MYB: variants seen among roughly 807,000 people sequenced by gnomAD.
The protein encoded by MYB is MYB proto-oncogene, transcription factor.
Under a neutral mutation model 92.9 loss-of-function variants are expected in MYB, and 28 were observed. The ratio of observed to expected loss-of-function variants is 0.30; its 90% confidence interval spans 0.22 to 0.41. The LOEUF (loss-of-function observed/expected upper bound fraction) is 0.41. MYB is among the 10% of genes least tolerant of loss of function. The pLI is 1.00. For missense variants in MYB, 679 were observed against 929.3 expected (o/e 0.73, Z 3.50); for synonymous variants, 295 against 329.1 (o/e 0.90, Z 1.12).
intron 1 of MYB, among the ~76,000 whole-genome samples, chr6:135,185,104 T>A (rs938625438): frequency 1.3e-5 from 2 of 152,228 alleles, no homozygotes; most frequent in African/African-American, 4.8e-5. Flanking sequence ...CATTTTATAA[T>A]ATTTCAAACA....
chr6:135,183,513 T>C (rs1345102595), intron 1 of MYB, among the ~76,000 whole-genome samples: 1 of 152,232 alleles, frequency 6.6e-6, no homozygotes, highest in Non-Finnish European at 1.5e-5. Flanking sequence ...AAATCAGCCT[T>C]TGAAAATCCT....
Position 135,197,106 on chromosome 6 carries a change from G to A in MYB, c.1349G>A (p.Arg450Lys). ...GTKPAGEPSP[R>K]VNKRMLSESS... The stretch of plus-strand genomic sequence containing the variant: ...AAACCTGCAGGAGAACCTAGCCCAA[G>A]GGTGAACAAACGTATGTTGAGTGAG... Residue 450 changes from arginine to lysine, a missense_variant, in exon 10 of 16, where the codon AGG becomes AAG. By Grantham distance (26) the Arg-to-Lys change is conservative. This residue lies in a region of MYB where 402 missense variants were observed against 434.2 expected (regional missense o/e 0.93). Transcript: ENST00000341911. 2 of 1,614,034 alleles carry A rather than the reference G, an allele frequency of 1.2e-6. No homozygotes were observed. Among genetic ancestry groups the A allele is most frequent in the Non-Finnish European group, 1.7e-6 (2 of 1,179,896 alleles).
intron 14 of MYB, among the ~76,000 whole-genome samples, chr6:135,202,075 GTCT>G (rs1778178377): frequency 6.6e-6 from 1 of 151,878 alleles, no homozygotes; most frequent in Non-Finnish European, 1.5e-5. Flanking sequence ...AAATAATATT[GTCT>G]TCTTGTTAAG....
intron 15 of MYB, among the ~76,000 whole-genome samples, chr6:135,211,725 C>T (rs1312114109): frequency 6.6e-6 from 1 of 152,170 alleles, no homozygotes; most frequent in Non-Finnish European, 1.5e-5. Context: ...TGGGAAAGGT[C>T]CATCCACATT....
intron 15 of MYB, among the ~76,000 whole-genome samples, chr6:135,206,225 A>AT (rs1436368141): frequency 0.027 from 2,595 of 96,188 alleles, 37 homozygotes; most frequent in Middle Eastern, 0.057. Context: ...AAAAAAAAAA[A>AT]AATAATAATA....
intron 9 of MYB, 109 bp from the exon 10 acceptor site, chr6:135,196,852 A>G (rs906423270): frequency 6.3e-7 from 1 of 1,587,950 alleles, no homozygotes; most frequent in Admixed American, 1.7e-5. Context: ...AAGAAGCCAA[A>G]CCAACGGGCC....
At chr6:135,210,488 C>T (rs752071774) in intron 15 of MYB, among the ~76,000 whole-genome samples, 9 of 152,254 alleles carry the variant, frequency 5.9e-5, no homozygotes, top group Admixed American at 3.3e-4. Flanking sequence ...AGTTGATACT[C>T]CCCTCAGCTT....
intron 3 of MYB, among the ~76,000 whole-genome samples, chr6:135,188,500 TTTTTTTG>T (rs1253719168): frequency 6.6e-5 from 10 of 151,418 alleles, no homozygotes; most frequent in South Asian, 2.1e-4. Context: ...TTCTTTTTTT[TTTTTTTG>T]TTTTTTGTTT....
intron 15 of MYB, chr6:135,203,583 C>A: frequency 1.3e-6 from 1 of 768,418 alleles, no homozygotes; most frequent in Non-Finnish European, 2.0e-6. Flanking sequence ...TGAAACATTT[C>A]TTACTGTGAC....
At chr6:135,204,593 G>A (rs554792443) in intron 15 of MYB, among the ~76,000 whole-genome samples, 2 of 152,260 alleles carry the variant, frequency 1.3e-5, no homozygotes, top group Non-Finnish European at 2.9e-5. Context: ...GTGAGCTACC[G>A]CACCTAGCCA....
intron 10 of MYB, among the ~76,000 whole-genome samples, chr6:135,198,032 T>C (rs987955509): frequency 3.9e-5 from 6 of 152,230 alleles, no homozygotes; most frequent in Non-Finnish European, 8.8e-5. Context: ...AATTAATAGA[T>C]AATTTGGCAC....
chr6:135,201,704 G>A lies in MYB; in HGVS notation c.2016G>A (p.Leu672=). The change falls in exon 14 of 16, where the codon CTG becomes CTA. Residue 672 remains leucine, a synonymous_variant. Transcript: ENST00000341911. ...FCSHHWEGDS[L]NTQLFTQTSP... Reference sequence around the variant, plus strand: ...CACACCACTGGGAAGGGGACAGTCTGAATACCCAACTGTTCACGCAGACCT... The same window carrying A: ...CACACCACTGGGAAGGGGACAGTCTAAATACCCAACTGTTCACGCAGACCT... 6.3e-7 allele frequency: 1 copy of A among 1,580,118 alleles called. No individual in the cohort carries two copies. Among genetic ancestry groups the A allele is most frequent in the South Asian group, 1.1e-5 (1 of 87,678 alleles).
chr6:135,201,416 T>C (rs1261190023), intron 13 of MYB, among the ~76,000 whole-genome samples: 1 of 152,230 alleles, frequency 6.6e-6, no homozygotes, highest in African/African-American at 2.4e-5. Context: ...GTTGAAAACG[T>C]AGGAGCTTTA....
chr6:135,189,710 A>G (rs1338943444), intron 3 of MYB, 81 bp from the exon 4 acceptor site: 2 of 1,096,352 alleles, frequency 1.8e-6, no homozygotes, highest in East Asian at 4.7e-5. Context: ...CATATGGTCT[A>G]TGTGTGATTC....
intron 10 of MYB, among the ~76,000 whole-genome samples, chr6:135,197,576 G>C (rs923910793): frequency 6.6e-6 from 1 of 152,138 alleles, no homozygotes; most frequent in South Asian, 2.1e-4. Flanking sequence ...TGCATGAAAC[G>C]TACTTTTATT....
chr6:135,205,360 C>T (rs185607152), intron 15 of MYB, among the ~76,000 whole-genome samples: 2 of 151,796 alleles, frequency 1.3e-5, no homozygotes, highest in East Asian at 3.9e-4. Context: ...CTAACCTAGT[C>T]TGGGGCCAAC....
chr6:135,204,049 C>G, intron 15 of MYB: 1 of 289,906 alleles, frequency 3.4e-6, no homozygotes, highest in Non-Finnish European at 6.2e-6. Flanking sequence ...GCCCTCTCCT[C>G]CATCCCCCTG....
chr6:135,216,351 G>A (rs1442998215), intron 15 of MYB, among the ~76,000 whole-genome samples: 2 of 152,106 alleles, frequency 1.3e-5, no homozygotes, highest in Admixed American at 6.5e-5. Context: ...CATTCGTGGG[G>A]TACAAGTGTA....
At chr6:135,187,794 T>C in intron 2 of MYB, 40 bp from the exon 3 acceptor site, 1 of 1,422,296 alleles carries the variant, frequency 7.0e-7, no homozygotes, top group Non-Finnish European at 9.8e-7. Context: ...AGTTATATAG[T>C]AAATAACTGA....
Sources: allele counts gnomAD v4.1 joint callset (sites outside exome capture counted in the v4.1 genomes callset), GRCh38; gene constraint gnomAD v4.1.1; regional missense constraint gnomAD v4.1.1; transcripts MANE v1.5; gene names NCBI Gene and HGNC (gene_info 2026-07-23, HGNC 2026-07-21).